Variants in NDUFAF6 observed in about 807,000 individuals in gnomAD.
NDUFAF6 encodes NADH dehydrogenase (ubiquinone) complex I, assembly factor 6.
NDUFAF6 carries 45 observed loss-of-function variants against 40.8 expected under a neutral mutation model. The ratio of observed to expected loss-of-function variants is 1.10; its 90% confidence interval spans 0.87 to 1.42. The LOEUF is 1.42. NDUFAF6 is among the 40% of genes most tolerant of loss of function. The pLI, the probability that NDUFAF6 is intolerant of heterozygous loss-of-function variation, is 0.00. For synonymous variants in NDUFAF6, 185 were observed against 155.9 expected, an observed-to-expected ratio of 1.19 and a Z score of -1.39; for missense variants, 435 against 418.5, an observed-to-expected ratio of 1.04 and a Z score of -0.34.
intron 1 of NDUFAF6, chr8:94,896,438 C>T (rs1817586497): frequency 6.6e-6 from 1 of 152,220 alleles, no homozygotes; most frequent in South Asian, 2.1e-4. Flanking sequence ...TGAATGCCCC[C>T]ACAACTGGCG....
In NDUFAF6 at chr8:95,035,562, A is replaced by G. The variant is rs759876288; in HGVS notation, c.406A>G (p.Ile136Val). 1.4e-5 allele frequency: 23 copies of G among 1,597,532 alleles called. No homozygotes were observed. The highest frequency in any genetic ancestry group is 2.3e-5 in the East Asian group (1 of 44,242). ...CDNPPHQPVA[I>V]ELWKAVKRHN... ...CAATCCACCACATCAGCCTGTGGCCATTGAACTATGGAAGGTAAAAAAAAA... is the reference window on the plus strand; with the variant it reads ...CAATCCACCACATCAGCCTGTGGCCGTTGAACTATGGAAGGTAAAAAAAAA... Residue 136 changes from isoleucine to valine, a missense_variant, in exon 3 of 9, where the codon ATT becomes GTT. By Grantham distance (29) the Ile-to-Val change is conservative. Transcript: ENST00000396124.
intron 1 of NDUFAF6, among the ~76,000 whole-genome samples, chr8:94,915,142 G>A (rs1248683053): frequency 6.6e-6 from 1 of 151,508 alleles, no homozygotes; most frequent in East Asian, 1.9e-4. Flanking sequence ...TAAGAGATGG[G>A]GTCTCCCTGT....
At chr8:95,107,996 C>T (rs1240703798), downstream of NDUFAF6, among the ~76,000 whole-genome samples, 3 of 152,168 alleles carry the variant, frequency 2.0e-5, no homozygotes, top group Non-Finnish European at 2.9e-5. Context: ...TTGGAAACAT[C>T]GGCTGGCACT....
chr8:95,080,553 A>AT (rs1397250147), downstream of NDUFAF6, among the ~76,000 whole-genome samples: 1 of 75,978 alleles, frequency 1.3e-5, no homozygotes, highest in Admixed American at 1.1e-4. Context: ...TTTTGTAGTG[A>AT]TTTTTTCTAG....
At chr8:95,070,204 A>C (rs1219145868) in intron 9 of NDUFAF6, among the ~76,000 whole-genome samples, 1 of 152,192 alleles carries the variant, frequency 6.6e-6, no homozygotes, top group Non-Finnish European at 1.5e-5. Flanking sequence ...GACCACTAGC[A>C]AGTTATTACA....
chr8:94,909,792 A>G (rs1818648606), intron 1 of NDUFAF6, among the ~76,000 whole-genome samples: 1 of 144,688 alleles, frequency 6.9e-6, no homozygotes, highest in African/African-American at 2.7e-5. Flanking sequence ...ATATGTGTAT[A>G]TATATACACA....
downstream of NDUFAF6, chr8:95,076,287 T>C (rs2678841): frequency 0.87 from 132,859 of 152,286 alleles, 58,282 homozygotes; most frequent in East Asian, 1. Context: ...TCAGGGCAGC[T>C]GTGGTACTCA....
chr8:95,080,611 G>GGTAGTGTATTTTT (rs1458994998), downstream of NDUFAF6, among the ~76,000 whole-genome samples: 104 of 94,558 alleles, frequency 1.1e-3, no homozygotes, highest in South Asian at 1.3e-3. Flanking sequence ...AGTGTATTTT[G>GGTAGTGTATTTTT]GTAGTGTATT....
At chr8:95,022,895 C>G (rs1827748952), upstream of NDUFAF6, among the ~76,000 whole-genome samples, 1 of 152,092 alleles carries the variant, frequency 6.6e-6, no homozygotes, top group South Asian at 2.1e-4. Flanking sequence ...TGGCAGCTAG[C>G]TTCCCACAGA....
At chr8:95,027,505 G>A (rs1038925134) in intron 1 of NDUFAF6, among the ~76,000 whole-genome samples, 1 of 151,636 alleles carries the variant, frequency 6.6e-6, no homozygotes, top group Non-Finnish European at 1.5e-5. Flanking sequence ...ACTTGAACAT[G>A]GGAGGTTGAG....
At chr8:95,062,911 G>A (rs1462321755), downstream of NDUFAF6, among the ~76,000 whole-genome samples, 1 of 152,210 alleles carries the variant, frequency 6.6e-6, no homozygotes. Flanking sequence ...TGGGGATTCT[G>A]TCTGATGTGT....
intron 3 of NDUFAF6, 57 bp from the exon 4 acceptor site, chr8:95,041,513 T>A (rs942075507): frequency 7.4e-6 from 9 of 1,210,186 alleles, no homozygotes; most frequent in Non-Finnish European, 9.8e-6. Context: ...TTTATTCAGA[T>A]CTACAGAAGT....
chr8:95,040,315 G>A (rs1830012612), intron 3 of NDUFAF6, among the ~76,000 whole-genome samples: 1 of 152,118 alleles, frequency 6.6e-6, no homozygotes, highest in Non-Finnish European at 1.5e-5. Context: ...GGCACAATTC[G>A]TCTACCTGTC....
At chr8:95,029,789 C>T (rs766509294) in intron 1 of NDUFAF6, among the ~76,000 whole-genome samples, 17 of 152,192 alleles carry the variant, frequency 1.1e-4, no homozygotes, top group South Asian at 2.1e-4. Context: ...AGAAGGGACA[C>T]TCAGCTTTTC....
intron 1 of NDUFAF6, among the ~76,000 whole-genome samples, chr8:94,909,947 T>A (rs1563701082): frequency 6.6e-6 from 1 of 152,000 alleles, no homozygotes; most frequent in Non-Finnish European, 1.5e-5. Flanking sequence ...CAAGTTGCCC[T>A]CTGCTTTGTC....
intron 1 of NDUFAF6, among the ~76,000 whole-genome samples, chr8:95,029,186 T>A (rs1489940064): frequency 6.6e-6 from 1 of 152,216 alleles, no homozygotes; most frequent in Admixed American, 6.5e-5. Flanking sequence ...ATATTAAATA[T>A]TGTTTTATAA....
chr8:95,080,624 T>G (rs1004996884), downstream of NDUFAF6, among the ~76,000 whole-genome samples: 8 of 150,060 alleles, frequency 5.3e-5, no homozygotes, highest in Non-Finnish European at 7.4e-5. Flanking sequence ...AGTGTATTTT[T>G]GTAGTGTATT....
At chr8:94,942,374 A>G (rs1224632585) in intron 1 of NDUFAF6, among the ~76,000 whole-genome samples, 1 of 151,450 alleles carries the variant, frequency 6.6e-6, no homozygotes, top group Non-Finnish European at 1.5e-5. Flanking sequence ...CCTCATCCCA[A>G]CCACCAAGTC....
intron 1 of NDUFAF6, among the ~76,000 whole-genome samples, chr8:94,966,464 C>T (rs781089243): frequency 3.3e-5 from 5 of 152,002 alleles, no homozygotes; most frequent in Non-Finnish European, 7.4e-5. Flanking sequence ...TGTGGTAGCA[C>T]GCGCCTGTGG....
Sources: gnomAD v4.1 joint callset for allele counts (sites outside exome capture counted in the v4.1 genomes callset) on GRCh38, gnomAD v4.1.1 for gene constraint, MANE v1.5 for transcripts, NCBI Gene and HGNC (gene_info 2026-07-23, HGNC 2026-07-21) for gene names.